Variants in WWP1 observed in about 807,000 individuals in gnomAD.
WWP1 encodes the protein WW domain containing E3 ubiquitin protein ligase 1, also known as NEDD4-like E3 ubiquitin-protein ligase WWP1.
WWP1 carries 49 observed loss-of-function variants against 130.6 expected under a neutral mutation model. The ratio of observed to expected loss-of-function variants is 0.38; its 90% CI spans 0.30 to 0.48. The LOEUF is 0.48. Among genes scored for constraint, WWP1 ranks in the 20% least tolerant of loss-of-function variants. The pLI is 0.99. For synonymous variants in WWP1, 332 were observed against 367.8 expected (o/e 0.90, Z 1.11); for missense variants, 809 against 1,100.6 (o/e 0.74, Z 3.75).
chr8:86,398,726 A>T, intron 7 of WWP1, 88 bp downstream of exon 7: 14 of 1,424,416 alleles, frequency 9.8e-6, no homozygotes, highest in Non-Finnish European at 1.3e-5. Flanking sequence ...TTAGTTTAGA[A>T]TTTGCCACAC....
At chr8:86,414,712 CTTTTG>C (rs1283736707) in intron 9 of WWP1, among the ~76,000 whole-genome samples, 7 of 152,114 alleles carry the variant, frequency 4.6e-5, no homozygotes, top group Non-Finnish European at 7.4e-5. Flanking sequence ...ACTTCAAGTT[CTTTTG>C]TTAACCCTTT....
intron 1 of WWP1, among the ~76,000 whole-genome samples, chr8:86,351,187 G>A (rs1822896303): frequency 6.6e-6 from 1 of 152,172 alleles, no homozygotes. Flanking sequence ...TGGCTAGAAC[G>A]TAAGCCCTTA....
chr8:86,370,820 A>T (rs2130287648), intron 2 of WWP1, among the ~76,000 whole-genome samples: 1 of 127,208 alleles, frequency 7.9e-6, no homozygotes, highest in East Asian at 2.3e-4. Flanking sequence ...TTTTTCTTAG[A>T]TATATTCATG....
intron 1 of WWP1, among the ~76,000 whole-genome samples, chr8:86,368,434 A>T (rs1462008489): frequency 6.6e-6 from 1 of 151,406 alleles, no homozygotes; most frequent in Non-Finnish European, 1.5e-5. Context: ...CAGCCATCCT[A>T]TAGTCATCTG....
chr8:86,421,751 G>C (rs543216489), intron 9 of WWP1, among the ~76,000 whole-genome samples: 1 of 152,224 alleles, frequency 6.6e-6, no homozygotes, highest in Admixed American at 6.5e-5. Context: ...GTGAACCCGG[G>C]AGGCGGAGCT....
chr8:86,464,815 G>A (rs993502177), intron 24 of WWP1, among the ~76,000 whole-genome samples: 17 of 152,112 alleles, frequency 1.1e-4, no homozygotes, highest in African/African-American at 4.1e-4. Flanking sequence ...TCCCAGCCAA[G>A]GTTGACAGTA....
intron 18 of WWP1, among the ~76,000 whole-genome samples, chr8:86,446,179 A>C (rs553985431): frequency 1.4e-5 from 2 of 147,900 alleles, no homozygotes; most frequent in African/African-American, 5.0e-5. Flanking sequence ...ATGGGGTTTC[A>C]CCATGTTGGC....
chr8:86,411,577 C>A lies in WWP1; in HGVS notation c.764C>A (p.Ala255Glu). 1 of 1,613,768 alleles carries A rather than the reference C, an allele frequency of 6.2e-7. No homozygotes were observed. The highest frequency in any genetic ancestry group is 8.5e-7 in the Non-Finnish European group (1 of 1,179,794). The stretch of plus-strand genomic sequence containing the variant: ...TCCTCATTTGCACCAACTGATAATG[C>A]GTCTGTCACGGGTACTCCAGTAGTG... ...ESSSFAPTDN[A>E]SVTGTPVVSE... Residue 255 changes from alanine to glutamate, a missense_variant, in exon 9 of 25, where the codon GCG (alanine) becomes GAG (glutamate). Physicochemically the swap from Ala to Glu is moderately radical, Grantham distance 107. This residue lies in a region of WWP1 where 262 missense variants were observed against 346.0 expected (regional missense o/e 0.76). Transcript: ENST00000517970.
At chr8:86,444,168 G>T (rs536291376) in intron 18 of WWP1, among the ~76,000 whole-genome samples, 9 of 152,306 alleles carry the variant, frequency 5.9e-5, no homozygotes, top group African/African-American at 1.9e-4. Flanking sequence ...GAAGTGATTT[G>T]GATTCTGGGT....
At chr8:86,437,492 C>G (rs558562958) in intron 16 of WWP1, among the ~76,000 whole-genome samples, 1 of 152,242 alleles carries the variant, frequency 6.6e-6, no homozygotes, top group South Asian at 2.1e-4. Flanking sequence ...TTTGGGGAAA[C>G]CAGTAGGGGA....
At chr8:86,362,829 A>G (rs1459511170) in intron 1 of WWP1, among the ~76,000 whole-genome samples, 1 of 152,208 alleles carries the variant, frequency 6.6e-6, no homozygotes. Context: ...AAAAGCTGGG[A>G]TTAGTATCTC....
At chr8:86,461,494 T>G in intron 23 of WWP1, 174 bp downstream of exon 23, 1 of 649,700 alleles carries the variant, frequency 1.5e-6, no homozygotes, top group Non-Finnish European at 2.7e-6. Flanking sequence ...AAGACAAAAA[T>G]GAATGTGTCC....
intron 19 of WWP1, 27 bp downstream of exon 19, chr8:86,448,308 T>G (rs1429992618): frequency 6.3e-7 from 1 of 1,586,370 alleles, no homozygotes; most frequent in Non-Finnish European, 8.5e-7. Context: ...TTGCAATAAG[T>G]CATTTTTTTG....
intron 1 of WWP1, among the ~76,000 whole-genome samples, chr8:86,368,211 C>T (rs552417430): frequency 6.6e-6 from 1 of 152,238 alleles, no homozygotes; most frequent in East Asian, 1.9e-4. Flanking sequence ...CACATTGTAA[C>T]ATGAGATAGA....
chr8:86,450,395 T>A (rs1284225108), intron 20 of WWP1, among the ~76,000 whole-genome samples: 1 of 152,224 alleles, frequency 6.6e-6, no homozygotes, highest in Non-Finnish European at 1.5e-5. Flanking sequence ...GAGGAAAATA[T>A]ATTCATCAAA....
intron 1 of WWP1, among the ~76,000 whole-genome samples, chr8:86,357,530 A>G (rs1414285465): frequency 1.3e-5 from 2 of 152,202 alleles, no homozygotes; most frequent in African/African-American, 2.4e-5. Context: ...AGTATTCTTC[A>G]GTAGCAAATA....
chr8:86,427,061 G>T (rs187560115), intron 10 of WWP1, among the ~76,000 whole-genome samples: 3 of 152,126 alleles, frequency 2.0e-5, no homozygotes, highest in African/African-American at 7.2e-5. Context: ...TACCCAGGAG[G>T]CTGAGGCAGG....
intron 1 of WWP1, among the ~76,000 whole-genome samples, chr8:86,347,161 A>T (rs1822630402): frequency 6.6e-6 from 1 of 151,996 alleles, no homozygotes; most frequent in Non-Finnish European, 1.5e-5. Context: ...AATTTTTAAA[A>T]TTTTTTATAG....
intron 14 of WWP1, among the ~76,000 whole-genome samples, chr8:86,432,070 C>T (rs141213542): frequency 6.6e-5 from 10 of 152,254 alleles, no homozygotes; most frequent in Non-Finnish European, 1.2e-4. Context: ...GCATAACTAA[C>T]TGTGCAAAGT....
Sources: gnomAD v4.1 joint callset for allele counts (sites outside exome capture counted in the v4.1 genomes callset) on GRCh38, gnomAD v4.1.1 for gene constraint, gnomAD v4.1.1 regional missense constraint, MANE v1.5 for transcripts, NCBI Gene and HGNC (gene_info 2026-07-23, HGNC 2026-07-21) for gene names.